ADAM9: variants seen among roughly 807,000 people sequenced by gnomAD.
ADAM9 encodes the protein ADAM metallopeptidase domain 9, also known as disintegrin and metalloproteinase domain-containing protein 9.
In ADAM9, 54 loss-of-function variants were observed where a neutral mutation model predicts 108.1. The ratio of observed to expected loss-of-function variants is 0.50; its 90% confidence interval spans 0.40 to 0.63. The LOEUF (loss-of-function observed/expected upper bound fraction) is 0.63, where lower values mean the gene tolerates loss of function less well. Ranked by LOEUF, ADAM9 falls within the 20% of genes least tolerant of loss-of-function variation. The pLI, the probability that ADAM9 is intolerant of heterozygous loss-of-function variation, is 0.00. For missense variants in ADAM9, 830 were observed against 997.7 expected (o/e 0.83, Z 2.26); for synonymous variants, 316 against 336.0 (o/e 0.94, Z 0.65).
rs557377638 is a variant in ADAM9, at chr8:39,030,990, A to G, written c.1130+4180A>G. ...ATACTTTGGATAAGAGTCTTTTATC[A>G]AATATGTCTTTTGCAAATATTTTCT... On this transcript the variant is annotated intron_variant, in intron 11 of 21. Coordinates refer to ENST00000487273, the MANE Select transcript of ADAM9 (RefSeq NM_003816.3). 2.0e-5 allele frequency among the ~76,000 whole-genome samples: 3 copies of G among 152,312 alleles called. No individual in the cohort carries two copies. The East Asian group carries it at 5.8e-4, about 29-fold the overall frequency.
chr8:39,089,916 C>G, intron 18 of ADAM9, 131 bp from the exon 19 acceptor site: 1 of 1,021,830 alleles, frequency 9.8e-7, no homozygotes. Context: ...TGGAAGACTT[C>G]TCAATATATT....
chr8:39,000,507 G>C (rs1362219423), intron 1 of ADAM9, among the ~76,000 whole-genome samples: 4 of 151,894 alleles, frequency 2.6e-5, no homozygotes, highest in African/African-American at 9.7e-5. Flanking sequence ...TGTTGCCCAG[G>C]CTGGAGTGCA....
intron 12 of ADAM9, among the ~76,000 whole-genome samples, chr8:39,050,830 G>GTTTT (rs58115667): frequency 1.3e-4 from 11 of 85,214 alleles, no homozygotes; most frequent in Non-Finnish European, 1.5e-4. Context: ...GCTTGGAAGT[G>GTTTT]TTTTTTTTTT....
chr8:39,037,996 G>A (rs1837338838), intron 11 of ADAM9, among the ~76,000 whole-genome samples: 1 of 152,120 alleles, frequency 6.6e-6, no homozygotes, highest in South Asian at 2.1e-4. Context: ...AACAACCTGG[G>A]AGTCATTCTT....
At chr8:39,026,948 C>A (rs567800026) in intron 11 of ADAM9, 138 bp downstream of exon 11, 4 of 1,040,860 alleles carry the variant, frequency 3.8e-6, no homozygotes, top group East Asian at 2.6e-5. Context: ...CATGACATAC[C>A]AATGAGAAGT....
intron 1 of ADAM9, among the ~76,000 whole-genome samples, chr8:39,000,275 A>AGCCACC (rs1259033371): frequency 2.0e-5 from 3 of 152,248 alleles, no homozygotes; most frequent in African/African-American, 7.2e-5. Flanking sequence ...TACAGGCATG[A>AGCCACC]GCCACCGCGC....
intron 11 of ADAM9, among the ~76,000 whole-genome samples, 171 bp downstream of exon 11, chr8:39,026,981 T>C (rs1790149762): frequency 6.6e-6 from 1 of 151,706 alleles, no homozygotes. Flanking sequence ...TTTTCCAGCC[T>C]TTTAGATTTA....
chr8:39,103,610 A>G lies in ADAM9; in HGVS notation c.2370A>G (p.Pro790=). The G allele has an allele frequency of 6.2e-7, 1 of 1,613,832 alleles. No individual in the cohort carries two copies. The highest frequency in any genetic ancestry group is 8.5e-7 in the Non-Finnish European group (1 of 1,179,928). Residue 790 remains proline (P), a synonymous_variant, in exon 22 of 22, where the codon CCA becomes CCG. Transcript: ENST00000487273. ...AKQPQQFPSR[P]PPPQPKVSSQ... The stretch of plus-strand genomic sequence containing the variant: ...ACTATCTCTTTTCCCCTCGCAGGCC[A>G]CCTCCACCACAACCGAAAGTATCAT...
At chr8:39,096,099 A>G (rs1179666805) in intron 20 of ADAM9, among the ~76,000 whole-genome samples, 6 of 149,658 alleles carry the variant, frequency 4.0e-5, no homozygotes, top group Non-Finnish European at 7.5e-5. Flanking sequence ...TTATGGATAC[A>G]TAATAGTTGT....
intron 12 of ADAM9, among the ~76,000 whole-genome samples, chr8:39,048,416 T>A (rs561621287): frequency 6.6e-6 from 1 of 152,350 alleles, no homozygotes; most frequent in South Asian, 2.1e-4. Flanking sequence ...AATTGCTAGT[T>A]TCATCCATTT....
At chr8:39,087,002 T>C (rs1839199364) in intron 18 of ADAM9, among the ~76,000 whole-genome samples, 1 of 152,236 alleles carries the variant, frequency 6.6e-6, no homozygotes, top group African/African-American at 2.4e-5. Context: ...TTTCTCCAGC[T>C]TCATGTGGTC....
chr8:39,052,091 G>A (rs961477688), intron 12 of ADAM9, among the ~76,000 whole-genome samples: 2 of 152,122 alleles, frequency 1.3e-5, no homozygotes, highest in Non-Finnish European at 2.9e-5. Context: ...CCTATAAATA[G>A]TGTGGGTCAG....
Position 39,021,588 on chromosome 8 carries a change from A to G in ADAM9, c.673-55A>G, listed in dbSNP as rs899105157. ...CATGAGGTACTGCACCCGGCCTTAC[A>G]TTTCTATTCTTAAAGTACTTTGGTG... On this transcript the variant is annotated intron_variant, in intron 7 of 21. Transcript: ENST00000487273. The G allele has an allele frequency of 7.8e-6, 12 of 1,529,032 alleles. No individual in the cohort carries two copies. The African/African-American group carries it at 1.6e-4, about 21-fold the overall frequency. 94.7% of individuals were successfully genotyped at this position (1,529,032 alleles called of 1,614,324 possible).
intron 2 of ADAM9, among the ~76,000 whole-genome samples, chr8:39,008,345 G>A (rs1414099146): frequency 2.6e-5 from 4 of 151,904 alleles, no homozygotes; most frequent in Non-Finnish European, 4.4e-5. Context: ...TAATTTTTTG[G>A]TATTTTTCAG....
At chr8:39,050,694 G>A (rs1200676060) in intron 12 of ADAM9, among the ~76,000 whole-genome samples, 4 of 152,072 alleles carry the variant, frequency 2.6e-5, no homozygotes, top group African/African-American at 9.7e-5. Flanking sequence ...TTAGCGCTCA[G>A]TGTCTACAAT....
At chr8:39,100,314 C>A (rs1438705906) in intron 20 of ADAM9, among the ~76,000 whole-genome samples, 2 of 151,212 alleles carry the variant, frequency 1.3e-5, no homozygotes, top group Non-Finnish European at 3.0e-5. Flanking sequence ...ATGGTGAAAC[C>A]CCGTCTCTAC....
intron 11 of ADAM9, 49 bp downstream of exon 11, chr8:39,026,859 G>A: frequency 6.2e-7 from 1 of 1,606,634 alleles, no homozygotes; most frequent in Non-Finnish European, 8.5e-7. Context: ...GTAGATCCAT[G>A]TTTCTTACAC....
intron 1 of ADAM9, among the ~76,000 whole-genome samples, chr8:39,003,805 T>G (rs1484624269): frequency 6.6e-6 from 1 of 152,238 alleles, no homozygotes; most frequent in Non-Finnish European, 1.5e-5. Flanking sequence ...TTTGAAAGTC[T>G]TTTAAAAATA....
At chr8:38,999,930 C>G (rs752566220) in intron 1 of ADAM9, among the ~76,000 whole-genome samples, 9 of 152,170 alleles carry the variant, frequency 5.9e-5, no homozygotes, top group Non-Finnish European at 8.8e-5. Context: ...GTAACATATA[C>G]TGGAGGCTTG....
Sources: gnomAD v4.1 joint callset for allele counts (sites outside exome capture counted in the v4.1 genomes callset) on GRCh38, gnomAD v4.1.1 for gene constraint, MANE v1.5 for transcripts, NCBI Gene and HGNC (gene_info 2026-07-23, HGNC 2026-07-21) for gene names.